Variants in CYP4F8 observed in about 807,000 individuals in gnomAD.
The protein encoded by CYP4F8 is cytochrome P450 4F8.
CYP4F8 carries 56 observed loss-of-function variants against 55.0 expected under a neutral mutation model. The observed-to-expected ratio is 1.02, with a 90% confidence interval of 0.82 to 1.27. The LOEUF (loss-of-function observed/expected upper bound fraction) is 1.27. Among genes scored for constraint, CYP4F8 ranks in the 50% most tolerant of loss-of-function variants. The pLI is 0.00. For missense variants in CYP4F8, 680 were observed against 682.4 expected (o/e 1.00, Z 0.04); for synonymous variants, 288 against 267.3 (o/e 1.08, Z -0.76).
chr19:15,628,182 G>A, intron 9 of CYP4F8, 120 bp from the exon 10 acceptor site: 3 of 1,456,488 alleles, frequency 2.1e-6, no homozygotes, highest in Non-Finnish European at 2.8e-6. Flanking sequence ...TTACATCTTT[G>A]TTGCTTCTGG....
chr19:15,628,381 G>C lies in CYP4F8; in HGVS notation c.1195G>C (p.Ala399Pro). ...GTTGCATCCCCCAATCCCTACATTCGCCCGCGGCTGCACCCAGGACGTGGT... is the reference window on the plus strand; with the variant it reads ...GTTGCATCCCCCAATCCCTACATTCCCCCGCGGCTGCACCCAGGACGTGGT... ...LRLHPPIPTF[A>P]RGCTQDVVLP... The change falls in exon 10 of 13, where the codon GCC becomes CCC. Residue 399 changes from alanine (A) to proline (P), a missense_variant. Ala to Pro is a conservative substitution (Grantham distance 27). Coordinates refer to ENST00000612078, the MANE Select transcript of CYP4F8 (RefSeq NM_007253.4). The C allele has an allele frequency of 6.2e-7, 1 of 1,613,952 alleles. No individual in the cohort carries two copies. The highest frequency in any genetic ancestry group is 1.1e-5 in the South Asian group (1 of 91,074).
intron 8 of CYP4F8, 28 bp downstream of exon 8, chr19:15,623,793 G>C: frequency 6.2e-7 from 1 of 1,612,444 alleles, no homozygotes; most frequent in Non-Finnish European, 8.5e-7. Flanking sequence ...GGGCTACAGT[G>C]GGGACAGGGG....
chr19:15,618,181 A>G, intron 3 of CYP4F8, 37 bp downstream of exon 3: 2 of 1,613,782 alleles, frequency 1.2e-6, no homozygotes, highest in Non-Finnish European at 1.7e-6. Flanking sequence ...GGCACAGGAG[A>G]ACATTGGAGG....
chr19:15,629,164 G>T (rs1462182734), intron 12 of CYP4F8, 29 bp from the exon 13 acceptor site: 2 of 1,566,960 alleles, frequency 1.3e-6, no homozygotes, highest in Non-Finnish European at 1.7e-6. Context: ...GGTCCTGGGT[G>T]CAGTCAGACC....
At chr19:15,621,645 A>G (rs1972195564) in intron 5 of CYP4F8, 1 of 152,280 alleles carries the variant, frequency 6.6e-6, no homozygotes. Flanking sequence ...TTTGTAATCA[A>G]TTTATAACAA....
chr19:15,621,461 G>A (rs1415525150), intron 5 of CYP4F8, among the ~76,000 whole-genome samples: 1 of 152,310 alleles, frequency 6.6e-6, no homozygotes, highest in South Asian at 2.1e-4. Flanking sequence ...AGCAGGCAGA[G>A]GTTGCAGTGA....
At chr19:15,622,161 G>T in intron 5 of CYP4F8, 58 bp from the exon 6 acceptor site, 1 of 1,566,384 alleles carries the variant, frequency 6.4e-7, no homozygotes, top group African/African-American at 1.4e-5. Context: ...GGTTGGGGTT[G>T]CAGGGGGACT....
chr19:15,625,090 A>G (rs1972245000), intron 9 of CYP4F8, among the ~76,000 whole-genome samples: 1 of 152,000 alleles, frequency 6.6e-6, no homozygotes, highest in African/African-American at 2.4e-5. Context: ...TTTAAAAACC[A>G]TTTTATACTC....
In CYP4F8 at chr19:15,628,055, C is replaced by T. The variant is rs969288511; in HGVS notation, c.1116-247C>T. 37 of 542,086 alleles carry T rather than the reference C, an allele frequency of 6.8e-5. 1 individual carries two copies. Among genetic ancestry groups the T allele is most frequent in the Middle Eastern group, 5.0e-4 (1 of 2,018 alleles). The allele number at this position is 542,086 out of a possible 1,614,324, so 33.6% of individuals were successfully genotyped here. The stretch of plus-strand genomic sequence containing the variant: ...ATTACAGGAGTGAGCCACTGCACCC[C>T]GCCGGAATGAATACTTTTAAGAGAC... On this transcript the variant is annotated intron_variant, in intron 9 of 12. Transcript: ENST00000612078.
At chr19:15,624,826 G>A (rs1205143904) in intron 9 of CYP4F8, among the ~76,000 whole-genome samples, 5 of 152,156 alleles carry the variant, frequency 3.3e-5, no homozygotes, top group Non-Finnish European at 5.9e-5. Context: ...TTCACCTGCC[G>A]ATGAGCCATC....
At chr19:15,616,681 G>A (rs4646524) in intron 2 of CYP4F8, among the ~76,000 whole-genome samples, 23,400 of 152,072 alleles carry the variant, frequency 0.15, 1,853 homozygotes, top group Middle Eastern at 0.21. Context: ...ACCCTCCCCC[G>A]TGCAGGGGCA....
intron 9 of CYP4F8, among the ~76,000 whole-genome samples, chr19:15,624,661 G>A (rs910045558): frequency 6.6e-5 from 10 of 152,114 alleles, no homozygotes; most frequent in African/African-American, 2.4e-4. Context: ...GAAATCTACT[G>A]CTATACACAG....
intron 7 of CYP4F8, 155 bp from the exon 8 acceptor site, chr19:15,623,544 T>C (rs1283754997): frequency 9.9e-7 from 1 of 1,012,454 alleles, no homozygotes; most frequent in Non-Finnish European, 1.3e-6. Flanking sequence ...GAAAGCTTCC[T>C]GGGAAGAACA....
chr19:15,615,537 T>G, intron 1 of CYP4F8, 79 bp from the exon 2 acceptor site: 1 of 1,480,028 alleles, frequency 6.8e-7, no homozygotes, highest in South Asian at 1.3e-5. Context: ...TAACCATGTT[T>G]ACCCATCATT....
rs761587317 is a variant in CYP4F8 at position 15,628,361 on chromosome 19, A to G, written c.1175A>G (p.His392Arg). 2 of 1,614,030 alleles carry G rather than the reference A, an allele frequency of 1.2e-6. No individual in the cohort carries two copies. Among genetic ancestry groups the G allele is most frequent in the East Asian group, 2.2e-5 (1 of 44,858 alleles). The change falls in exon 10 of 13, where the codon CAT (histidine) becomes CGT (arginine). Residue 392 changes from histidine to arginine, a missense_variant. By Grantham distance (29) the His-to-Arg change is conservative. Transcript: ENST00000612078. ...TMCLKESLRLHPPIPTFARGC... is the reference protein window; with the variant it reads ...TMCLKESLRLRPPIPTFARGC... ...TGCCTGAAGGAGAGCCTGCGGTTGCATCCCCCAATCCCTACATTCGCCCGC... is the reference window on the plus strand; with the variant it reads ...TGCCTGAAGGAGAGCCTGCGGTTGCGTCCCCCAATCCCTACATTCGCCCGC...
At position 15,628,095 on chromosome 19, in the gene CYP4F8, G is replaced by A. The variant is rs572544574; in HGVS notation, c.1116-207G>A. 13 of 715,806 alleles carry A rather than the reference G, an allele frequency of 1.8e-5. No individual in the cohort carries two copies. The African/African-American group carries it at 2.0e-4, about 11-fold the overall frequency. The allele number at this position is 715,806 out of a possible 1,614,324, so 44.3% of individuals were successfully genotyped here. A position where few individuals can be genotyped will look rare whatever the true frequency, so the allele number is the denominator to read the frequency against. On this transcript the variant is annotated intron_variant, in intron 9 of 12. Coordinates refer to ENST00000612078, the MANE Select transcript of CYP4F8 (RefSeq NM_007253.4). Reference sequence around the variant, plus strand: ...TTTTAAGAGACACCCTCTGAATATTGTTTTGCTCAGAAATACCTCTAAAAA... The same window carrying A: ...TTTTAAGAGACACCCTCTGAATATTATTTTGCTCAGAAATACCTCTAAAAA...
At chr19:15,626,678 T>C (rs1972267538) in intron 9 of CYP4F8, among the ~76,000 whole-genome samples, 2 of 152,120 alleles carry the variant, frequency 1.3e-5, no homozygotes, top group Admixed American at 6.6e-5. Flanking sequence ...TTATCTCTCA[T>C]TGGAATGTTA....
chr19:15,620,553 A>G (rs892769738), intron 5 of CYP4F8, among the ~76,000 whole-genome samples: 23 of 151,992 alleles, frequency 1.5e-4, no homozygotes, highest in African/African-American at 5.6e-4. Context: ...ACCATGCCCA[A>G]CTAATTTTTT....
intron 3 of CYP4F8, 113 bp downstream of exon 3, chr19:15,618,257 TTC>T: frequency 6.6e-7 from 1 of 1,505,532 alleles, no homozygotes; most frequent in Admixed American, 1.7e-5. Context: ...TCCTTCCTGC[TTC>T]TCTCTCAGCC....
Sources: gnomAD v4.1 joint callset for allele counts (sites outside exome capture counted in the v4.1 genomes callset) on GRCh38, gnomAD v4.1.1 for gene constraint, MANE v1.5 for transcripts, NCBI Gene and HGNC (gene_info 2026-07-23, HGNC 2026-07-21) for gene names.